ZNF469: variants seen among roughly 807,000 people sequenced by gnomAD.
ZNF469 encodes zinc finger protein 469.
Under a neutral mutation model 1.0 loss-of-function variants are expected in ZNF469, and 1 was observed. That is an observed-to-expected ratio of 1.00 (90% confidence interval 0.35 to 4.73). The LOEUF (loss-of-function observed/expected upper bound fraction) is 4.73. Among genes scored for constraint, ZNF469 ranks in the 30% most tolerant of loss-of-function variants. The pLI is 0.16. For synonymous variants in ZNF469, 2,703 were observed against 2,363.4 expected, an observed-to-expected ratio of 1.14 and a Z score of -4.17; for missense variants, 6,100 against 5,356.3, an observed-to-expected ratio of 1.14 and a Z score of -4.33.
At chr16:88,300,016 G>A in the ZNF469 span, among the ~76,000 whole-genome samples, 7,412 of 152,264 alleles carry the variant, frequency 0.049, 589 homozygotes, top group African/African-American at 0.17. Context: ...CGCACGGCAC[G>A]GCTAGGGGGA....
the ZNF469 span, among the ~76,000 whole-genome samples, chr16:88,145,467 G>A: frequency 2.0e-5 from 3 of 152,352 alleles, no homozygotes; most frequent in African/African-American, 7.2e-5. Flanking sequence ...CAGCCCCTGC[G>A]AGCCTCGTGC....
chr16:88,434,112 T>C lies in ZNF469; in HGVS notation c.6642T>C (p.Leu2214=), dbSNP rs1233691750. 1 of 1,550,330 alleles carries C rather than the reference T, an allele frequency of 6.5e-7. No homozygotes were observed. The highest frequency in any genetic ancestry group is 8.7e-7 in the Non-Finnish European group (1 of 1,146,940). ...CCAAGGAAGCCCTGGCTGGTTGCCT[T>C]CTCCAGGGGGAGGGCAGCCCCCTGG... ...CDPKEALAGC[L]LQGEGSPLED... Residue 2214 remains leucine (L), a synonymous_variant, in exon 3 of 3, where the codon CTT becomes CTC. Transcript: ENST00000565624.
chr16:88,203,689 C>T, the ZNF469 span, among the ~76,000 whole-genome samples: 1 of 152,068 alleles, frequency 6.6e-6, no homozygotes, highest in South Asian at 2.1e-4. Flanking sequence ...CACTCCAGTC[C>T]CACCTCATCC....
Position 88,437,015 on chromosome 16 carries a change from A to G in ZNF469, c.9545A>G (p.Lys3182Arg). ...AGPWACGMCL[K>R]EVADVWMYNE... ...CCCTGGGCGTGCGGCATGTGCCTGA[A>G]GGAGGTGGCCGACGTCTGGATGTAC... Residue 3182 changes from lysine to arginine, a missense_variant, in exon 3 of 3, where the codon AAG becomes AGG. By Grantham distance (26) the Lys-to-Arg change is conservative. Transcript: ENST00000565624. 2 of 1,527,154 alleles carry G rather than the reference A, an allele frequency of 1.3e-6. No homozygotes were observed. The highest frequency in any genetic ancestry group is 1.8e-6 in the Non-Finnish European group (2 of 1,139,476). The allele number at this position is 1,527,154 out of a possible 1,614,324, so 94.6% of individuals were successfully genotyped here. A position where few individuals can be genotyped will look rare whatever the true frequency, so the allele number is the denominator to read the frequency against.
At chr16:88,147,265 C>T in the ZNF469 span, among the ~76,000 whole-genome samples, 25 of 152,076 alleles carry the variant, frequency 1.6e-4, 1 homozygote, top group Non-Finnish European at 2.8e-4. Context: ...GAAGATTCTC[C>T]CCTGGAGCCT....
At chr16:88,143,730 G>T in the ZNF469 span, among the ~76,000 whole-genome samples, 8 of 152,360 alleles carry the variant, frequency 5.3e-5, no homozygotes, top group African/African-American at 1.9e-4. Context: ...TTAAGGGAAC[G>T]TTGTGAACAA....
At chr16:88,332,267 C>T in the ZNF469 span, among the ~76,000 whole-genome samples, 8 of 152,316 alleles carry the variant, frequency 5.3e-5, no homozygotes, top group Non-Finnish European at 8.8e-5. Context: ...AGGTATTAAG[C>T]GGGTCGGGTT....
Position 88,424,566 on chromosome 16 carries a change from T to C in ZNF469, c.-191-241T>C, listed in dbSNP as rs574883740. 6.6e-6 allele frequency among the ~76,000 whole-genome samples: 1 copy of C among 152,292 alleles called. No homozygotes were observed. The highest frequency in any genetic ancestry group is 2.4e-5 in the African/African-American group (1 of 41,558). ...AGAGATTTAAGATAGCCGTCAAAGC[T>C]GCAGCTGAGGCAGCCAGGTGACCCC... On this transcript the variant is annotated intron_variant, in intron 1 of 2. Transcript: ENST00000565624. This position sits in a 1 kb window ranked among gnomAD's most constrained non-coding sequence, Gnocchi z 4.3.
the ZNF469 span, among the ~76,000 whole-genome samples, chr16:88,308,988 G>A: frequency 6.6e-6 from 1 of 152,144 alleles, no homozygotes; most frequent in African/African-American, 2.4e-5. Context: ...TGGCCCTGCT[G>A]AGCCACCGTG....
chr16:88,389,171 C>T (rs1429993184), intron 1 of ZNF469, among the ~76,000 whole-genome samples: 1 of 152,214 alleles, frequency 6.6e-6, no homozygotes, highest in Non-Finnish European at 1.5e-5. Context: ...GAAGTCACTC[C>T]CTATTCCCCT....
In ZNF469 at chr16:88,437,551, C is replaced by T. The variant is rs1483824753; in HGVS notation, c.10081C>T (p.Pro3361Ser). Residue 3361 changes from proline (P) to serine (S), a missense_variant, in exon 3 of 3, where the codon CCG (proline) becomes TCG (serine). Pro to Ser is a moderately conservative substitution (Grantham distance 74, BLOSUM62 -1). Transcript: ENST00000565624. ...KLQRHLAVHS[P>S]QRVYLCPRCP... ...GCAGCGCCACCTGGCGGTGCACAGC[C>T]CGCAGCGCGTCTACCTGTGCCCCCG... 1.9e-6 allele frequency: 3 copies of T among 1,540,174 alleles called. No individual in the cohort carries two copies. The highest frequency in any genetic ancestry group is 2.6e-6 in the Non-Finnish European group (3 of 1,139,790).
chr16:88,388,287 C>T (rs1226109863), intron 1 of ZNF469, among the ~76,000 whole-genome samples: 2 of 152,372 alleles, frequency 1.3e-5, no homozygotes, highest in African/African-American at 4.8e-5. Flanking sequence ...ACATTCCGTC[C>T]CCTGGCTAAC....
the ZNF469 span, among the ~76,000 whole-genome samples, chr16:88,263,025 G>A: frequency 6.6e-6 from 1 of 152,222 alleles, no homozygotes; most frequent in Non-Finnish European, 1.5e-5. Flanking sequence ...TGGCCCCCGG[G>A]AGAAGCAGAC....
chr16:88,324,848 C>T, the ZNF469 span, among the ~76,000 whole-genome samples: 4 of 152,244 alleles, frequency 2.6e-5, no homozygotes, highest in African/African-American at 9.6e-5. Context: ...TGTTCTTGCA[C>T]TGCTATAGAG....
chr16:88,121,837 C>G, the ZNF469 span, among the ~76,000 whole-genome samples: 1 of 152,188 alleles, frequency 6.6e-6, no homozygotes, highest in Non-Finnish European at 1.5e-5. Flanking sequence ...ATTTATTTGT[C>G]AAAATACGCT....
At chr16:88,333,131 G>A in the ZNF469 span, among the ~76,000 whole-genome samples, 2 of 152,206 alleles carry the variant, frequency 1.3e-5, no homozygotes, top group Non-Finnish European at 2.9e-5. Context: ...TGTGGCCTCT[G>A]TGGGCAAAGC....
Position 88,437,898 on chromosome 16 carries a change from G to A in ZNF469, c.10428G>A (p.Arg3476=). 6.5e-7 allele frequency: 1 copy of A among 1,540,422 alleles called. No homozygotes were observed. The highest frequency in any genetic ancestry group is 1.4e-5 in the African/African-American group (1 of 72,924). Residue 3476 remains arginine, a synonymous_variant, in exon 3 of 3, where the codon AGG becomes AGA. Coordinates refer to ENST00000565624, the MANE Select transcript of ZNF469 (RefSeq NM_001367624.2). ...LEGTLPSKRR[R]VAMPGSAPGP... is the part of the protein sequence containing the mutation. ...GCACACTGCCCAGCAAACGGCGCAGGGTGGCCATGCCCGGCAGTGCCCCTG... is the reference window on the plus strand; with the variant it reads ...GCACACTGCCCAGCAAACGGCGCAGAGTGGCCATGCCCGGCAGTGCCCCTG...
At chr16:88,213,330 A>C in the ZNF469 span, among the ~76,000 whole-genome samples, 1 of 151,968 alleles carries the variant, frequency 6.6e-6, no homozygotes, top group African/African-American at 2.4e-5. Flanking sequence ...CGATCTCCTG[A>C]CCTCGTAATC....
rs1477863972 is a variant in ZNF469, at chr16:88,388,107, C to T, written c.-192+4853C>T. Among the ~76,000 whole-genome samples, 8 of 152,228 alleles carry T rather than the reference C, an allele frequency of 5.3e-5. No homozygotes were observed. The East Asian group carries it at 7.7e-4, about 15-fold the overall frequency. The stretch of plus-strand genomic sequence containing the variant: ...CAGAGGGGCTCCCCAGAGAGGAGAG[C>T]GGCCGAGCAGGCGCGAGGGTGTGGA... On this transcript the variant is annotated intron_variant, in intron 1 of 2. Transcript: ENST00000565624.
Sources: gnomAD v4.1 joint callset for allele counts (sites outside exome capture counted in the v4.1 genomes callset) on GRCh38, gnomAD v4.1.1 for gene constraint, Gnocchi (gnomAD v3.1) non-coding constraint, MANE v1.5 for transcripts, NCBI Gene and HGNC (gene_info 2026-07-23, HGNC 2026-07-21) for gene names.